Variants in CHD4 observed in about 807,000 individuals in gnomAD.
CHD4 encodes the protein chromodomain helicase DNA binding protein 4, also known as ATP-dependent chromatin remodeler CHD4.
A neutral mutation model predicts 235.5 loss-of-function variants in CHD4; 35 were observed. The ratio of observed to expected loss-of-function variants is 0.15; its 90% CI spans 0.11 to 0.20. The LOEUF is 0.20. Among genes scored for constraint, CHD4 ranks in the 10% least tolerant of loss-of-function variants. The pLI, the probability that CHD4 is intolerant of heterozygous loss-of-function variation, is 1.00. For synonymous variants in CHD4, 900 were observed against 850.2 expected (o/e 1.06, Z -1.02); for missense variants, 1,329 against 2,432.3 (o/e 0.55, Z 9.54).
intron 15 of CHD4, 74 bp downstream of exon 15, chr12:6,594,385 C>T: frequency 7.1e-7 from 1 of 1,398,678 alleles, no homozygotes; most frequent in Non-Finnish European, 9.8e-7. Flanking sequence ...TCCCTTATCT[C>T]TCTACTCAGT....
At chr12:6,579,588 CA>C (rs1191325394) in intron 33 of CHD4, 80 of 122,532 alleles carry the variant, frequency 6.5e-4, no homozygotes, top group Admixed American at 5.9e-4. Flanking sequence ...GACTCCATCT[CA>C]AAAAAAAAAA....
chr12:6,590,965 AT>A (rs774471386), intron 22 of CHD4, among the ~76,000 whole-genome samples: 1 of 151,936 alleles, frequency 6.6e-6, no homozygotes, highest in South Asian at 2.1e-4. Flanking sequence ...TCTACTAAAA[AT>A]ACAAAAATTA....
chr12:6,580,726 AAG>A, intron 33 of CHD4: 1 of 265,848 alleles, frequency 3.8e-6, no homozygotes, highest in African/African-American at 2.3e-5. Flanking sequence ...AAAAAAAAAA[AAG>A]CCAGGCACAG....
At chr12:6,578,242 C>T (rs1948106229) in intron 35 of CHD4, 105 bp from the exon 36 acceptor site, 1 of 1,332,300 alleles carries the variant, frequency 7.5e-7, no homozygotes, top group Admixed American at 1.8e-5. Flanking sequence ...CCCCTGGATC[C>T]ATTTCATATA....
At chr12:6,600,511 A>G (rs780477570) in intron 8 of CHD4, 23 bp downstream of exon 8, 1 of 1,608,874 alleles carries the variant, frequency 6.2e-7, no homozygotes, top group Admixed American at 1.7e-5. Flanking sequence ...ATCCCATCAC[A>G]AATATACAGA....
chr12:6,576,505 G>C (rs947564427), intron 37 of CHD4, among the ~76,000 whole-genome samples: 2 of 152,148 alleles, frequency 1.3e-5, no homozygotes, highest in African/African-American at 4.8e-5. Flanking sequence ...TGTAGACATG[G>C]GGTTTTGCCA....
chr12:6,602,357 C>CA lies in CHD4; in HGVS notation c.222+18dup, dbSNP rs1195423110. The CA allele has an allele frequency of 2.5e-6, 4 of 1,612,434 alleles. No homozygotes were observed. Among genetic ancestry groups the CA allele is most frequent in the East Asian group, 4.5e-5 (2 of 44,866 alleles). On this transcript the variant is annotated intron_variant, in intron 3 of 39. Transcript: ENST00000544040. ...CCCTTCTTCCTCTGATTCCCCGTAA[C>CA]ATTCAGTCACCCACTCACCTCCTTT...
Position 6,606,360 on chromosome 12 carries a change from A to C in CHD4, c.14T>G (p.Leu5Arg), listed in dbSNP as rs1220173964. Residue 5 changes from leucine (L) to arginine (R), a missense_variant, in exon 2 of 40, where the codon CTG becomes CGG. Physicochemically the swap from Leu to Arg is moderately radical, Grantham distance 102. Coordinates refer to ENST00000544040, the MANE Select transcript of CHD4 (RefSeq NM_001273.5). MASG[L>R]GSPSPCSAGS... ...CGCCGAGCAGGGGGACGGGGAGCCC[A>C]GGCCCGACGCCATCCCCTTCCGCTC... The C allele has an allele frequency of 3.2e-6, 5 of 1,570,386 alleles. No individual in the cohort carries two copies. The highest frequency in any genetic ancestry group is 4.3e-6 in the Non-Finnish European group (5 of 1,161,782).
chr12:6,580,439 GC>G (rs1948160215), intron 33 of CHD4: 1 of 152,814 alleles, frequency 6.5e-6, no homozygotes, highest in African/African-American at 2.4e-5. Context: ...AGGCATGGTA[GC>G]TCACGCCTGT....
chr12:6,582,403 C>T (rs1379203015), intron 29 of CHD4, 122 bp from the exon 30 acceptor site: 14 of 1,331,490 alleles, frequency 1.1e-5, no homozygotes, highest in Non-Finnish European at 1.4e-5. Context: ...GTAAAGCCCA[C>T]CACTGCACGG....
intron 22 of CHD4, 115 bp downstream of exon 22, chr12:6,591,351 C>A: frequency 1.3e-6 from 1 of 791,782 alleles, no homozygotes; most frequent in South Asian, 1.7e-5. Flanking sequence ...TTTACTCCAT[C>A]TCAAATGACA....
intron 37 of CHD4, among the ~76,000 whole-genome samples, chr12:6,576,154 C>G (rs775658396): frequency 1.3e-5 from 2 of 151,812 alleles, no homozygotes; most frequent in Non-Finnish European, 2.9e-5. Flanking sequence ...GTCAAGAGAT[C>G]GAGACCATCC....
At position 6,592,452 on chromosome 12, in the gene CHD4, G is replaced by A; in HGVS notation, c.2889C>T (p.Phe963=). The change falls in exon 19 of 40, where the codon TTC becomes TTT. Residue 963 remains phenylalanine (F), a synonymous_variant. Transcript: ENST00000544040. The part of the protein sequence containing the change: ...HMLRRLKADV[F]KNMPSKTELI... ...GTTCTGTCTTGGAGGGCATGTTCTT[G>A]AACACATCGGCTTTGAGCCGCCGCA... The A allele has an allele frequency of 6.2e-7, 1 of 1,611,548 alleles. No individual in the cohort carries two copies.
chr12:6,578,976 A>G (rs1565602749), intron 33 of CHD4, 59 bp from the exon 34 acceptor site: 2 of 1,495,748 alleles, frequency 1.3e-6, no homozygotes, highest in Non-Finnish European at 1.9e-6. Context: ...CCTCTGTTGC[A>G]CACTATTATC....
chr12:6,588,195 T>C, intron 23 of CHD4, 103 bp downstream of exon 23: 3 of 1,428,802 alleles, frequency 2.1e-6, no homozygotes, highest in Non-Finnish European at 2.8e-6. Context: ...CTGTTGTTTC[T>C]CACTTAAAAA....
intron 37 of CHD4, chr12:6,573,517 C>G: frequency 3.4e-6 from 1 of 296,474 alleles, no homozygotes; most frequent in Non-Finnish European, 6.1e-6. Context: ...GCGATAAAAA[C>G]TCAATTTAGA....
intron 13 of CHD4, 132 bp downstream of exon 13, chr12:6,595,870 ATCGT>A: frequency 1.1e-6 from 1 of 902,840 alleles, no homozygotes; most frequent in Non-Finnish European, 1.6e-6. Context: ...AGGCAGGAGA[ATCGT>A]TTGAACCAGG....
In CHD4 at chr12:6,601,063, G is replaced by A. The variant is rs760895026; in HGVS notation, c.800-10C>T. 5 of 1,557,542 alleles carry A rather than the reference G, an allele frequency of 3.2e-6. No homozygotes were observed. The Admixed American group carries it at 1.0e-4, about 33-fold the overall frequency. ...CTCCGAGCATTGGGACCTAAAATCA[G>A]GATATATCCAAATATATACCACAAG... is the stretch of plus-strand genomic sequence containing the variant. On this transcript the variant is annotated splice_polypyrimidine_tract_variant and intron_variant, in intron 6 of 39. Transcript: ENST00000544040.
chr12:6,578,966 C>T (rs766907162), intron 33 of CHD4, 49 bp from the exon 34 acceptor site: 18 of 1,534,018 alleles, frequency 1.2e-5, no homozygotes, highest in Middle Eastern at 1.7e-4. Context: ...AGAACATTCT[C>T]CTCTGTTGCA....
Sources: allele counts gnomAD v4.1 joint callset (sites outside exome capture counted in the v4.1 genomes callset), GRCh38; gene constraint gnomAD v4.1.1; transcripts MANE v1.5; gene names NCBI Gene and HGNC (gene_info 2026-07-23, HGNC 2026-07-21).